The following HDAC9 variants were observed in gnomAD, a reference collection of about 807,000 sequenced individuals.
The protein encoded by HDAC9 is MEF-2 interacting transcription repressor (MITR) protein.
Under a neutral mutation model 139.4 loss-of-function variants are expected in HDAC9, and 41 were observed. That is an observed-to-expected ratio of 0.29 (90% confidence interval 0.23 to 0.38). The LOEUF is 0.38. Among genes scored for constraint, HDAC9 ranks in the 10% least tolerant of loss-of-function variants. The pLI is 1.00. For synonymous variants in HDAC9, 517 were observed against 476.2 expected (o/e 1.09, Z -1.12); for missense variants, 1,147 against 1,297.0 (o/e 0.88, Z 1.78).
At chr7:18,552,146 C>G (rs1469803849) in intron 2 of HDAC9, among the ~76,000 whole-genome samples, 2 of 152,168 alleles carry the variant, frequency 1.3e-5, no homozygotes, top group East Asian at 3.9e-4. Context: ...GTAGCTTACA[C>G]TCTTATTGAA....
At chr7:18,413,611 A>G (rs1788774637) in intron 1 of HDAC9, among the ~76,000 whole-genome samples, 1 of 152,168 alleles carries the variant, frequency 6.6e-6, no homozygotes, top group African/African-American at 2.4e-5. Flanking sequence ...TATAAATAAT[A>G]TGAAACTATA....
At chr7:18,758,653 G>A (rs1246857531) in intron 14 of HDAC9, among the ~76,000 whole-genome samples, 2 of 152,204 alleles carry the variant, frequency 1.3e-5, no homozygotes, top group African/African-American at 2.4e-5. Context: ...GAGATCCTAT[G>A]TGTTAAGGAA....
At chr7:18,844,043 T>G (rs1185349763) in intron 21 of HDAC9, among the ~76,000 whole-genome samples, 1 of 152,194 alleles carries the variant, frequency 6.6e-6, no homozygotes, top group Non-Finnish European at 1.5e-5. Flanking sequence ...GACTCAATTT[T>G]CCATATTTCA....
chr7:18,171,120 A>C (rs139373961), intron 2 of HDAC9, among the ~76,000 whole-genome samples: 1,944 of 152,106 alleles, frequency 0.013, 21 homozygotes, highest in Non-Finnish European at 0.017. Context: ...CTTTTATTTC[A>C]TTGAGCAGTG....
rs935438098 is a variant in HDAC9, at chr7:18,999,214, C to G, written c.*3152C>G. ...CTTCAGTTTTTACTCCAGCCCTATA[C>G]GACACTCTCACTAACCTTTCACTGA... is the stretch of plus-strand genomic sequence containing the variant. On this transcript the variant is annotated 3_prime_UTR_variant, in exon 26 of 26. Coordinates refer to ENST00000686413, the MANE Select transcript of HDAC9 (RefSeq NM_178425.4). 1 of 152,184 alleles carries G rather than the reference C, an allele frequency of 6.6e-6. No homozygotes were observed. Among genetic ancestry groups the G allele is most frequent in the Admixed American group, 6.5e-5 (1 of 15,284 alleles). The allele number at this position is 152,184 out of a possible 1,614,324, so 9.4% of individuals were successfully genotyped here. A position where few individuals can be genotyped will look rare whatever the true frequency, so the allele number is the denominator to read the frequency against.
intron 12 of HDAC9, among the ~76,000 whole-genome samples, chr7:18,709,728 C>G (rs1262279160): frequency 6.6e-6 from 1 of 152,152 alleles, no homozygotes; most frequent in African/African-American, 2.4e-5. Flanking sequence ...AAGGGATTAT[C>G]ATATAATAAA....
chr7:18,142,231 A>T (rs1785951590), intron 1 of HDAC9, among the ~76,000 whole-genome samples: 1 of 152,168 alleles, frequency 6.6e-6, no homozygotes, highest in African/African-American at 2.4e-5. Context: ...TATAGAAAGG[A>T]TTAGACATGT....
chr7:18,733,011 G>A (rs1786458989), intron 13 of HDAC9, among the ~76,000 whole-genome samples: 2 of 142,798 alleles, frequency 1.4e-5, no homozygotes, highest in African/African-American at 5.4e-5. Flanking sequence ...ATACACATGT[G>A]TATGTGTGTA....
chr7:18,092,460 C>T (rs1474719363), intron 1 of HDAC9, among the ~76,000 whole-genome samples: 1 of 151,214 alleles, frequency 6.6e-6, no homozygotes, highest in Non-Finnish European at 1.5e-5. Flanking sequence ...TTTGAAGCCA[C>T]TCAAGTAGAA....
At chr7:18,819,919 T>A (rs1339761696) in intron 17 of HDAC9, among the ~76,000 whole-genome samples, 1 of 152,200 alleles carries the variant, frequency 6.6e-6, no homozygotes, top group Non-Finnish European at 1.5e-5. Flanking sequence ...TTGGTCTTTG[T>A]AACTTAAAAT....
chr7:18,562,504 T>G (rs945675523), intron 2 of HDAC9, among the ~76,000 whole-genome samples: 4 of 152,156 alleles, frequency 2.6e-5, no homozygotes, highest in Admixed American at 6.5e-5. Context: ...GCACCATTTG[T>G]TGAAAAACTG....
chr7:18,189,497 A>G (rs1411047404), intron 2 of HDAC9, among the ~76,000 whole-genome samples: 1 of 152,158 alleles, frequency 6.6e-6, no homozygotes, highest in African/African-American at 2.4e-5. Flanking sequence ...AATAAAGAAA[A>G]AAAAGAATCA....
chr7:18,707,258 T>C (rs1783998975), intron 12 of HDAC9, among the ~76,000 whole-genome samples: 1 of 152,174 alleles, frequency 6.6e-6, no homozygotes, highest in African/African-American at 2.4e-5. Context: ...CACAGAAAAG[T>C]ATCTTTAACA....
intron 11 of HDAC9, among the ~76,000 whole-genome samples, chr7:18,652,577 A>T (rs1283009956): frequency 6.6e-6 from 1 of 152,082 alleles, no homozygotes; most frequent in African/African-American, 2.4e-5. Flanking sequence ...TTTTGTTGTG[A>T]GGTAATTTGA....
intron 2 of HDAC9, among the ~76,000 whole-genome samples, chr7:18,251,939 C>T (rs767504943): frequency 5.9e-5 from 9 of 152,048 alleles, no homozygotes; most frequent in Admixed American, 2.6e-4. Flanking sequence ...CGTATGTCCC[C>T]GAGAGTGCAC....
At chr7:18,610,676 A>T (rs1836871297) in intron 6 of HDAC9, among the ~76,000 whole-genome samples, 1 of 152,200 alleles carries the variant, frequency 6.6e-6, no homozygotes, top group South Asian at 2.1e-4. Flanking sequence ...ATTTTCACTA[A>T]TGCGCTTGGC....
At chr7:18,592,357 T>C (rs1831240447) in intron 5 of HDAC9, among the ~76,000 whole-genome samples, 1 of 152,104 alleles carries the variant, frequency 6.6e-6, no homozygotes, top group Admixed American at 6.6e-5. Flanking sequence ...TTTCTGTAAG[T>C]CCAATACACA....
intron 12 of HDAC9, among the ~76,000 whole-genome samples, chr7:18,713,615 G>A (rs896411160): frequency 9.2e-5 from 14 of 151,876 alleles, no homozygotes; most frequent in Non-Finnish European, 1.9e-4. Context: ...AAGGATGTAG[G>A]GCATTTATGC....
At chr7:18,360,069 C>G (rs1375341466) in intron 1 of HDAC9, among the ~76,000 whole-genome samples, 1 of 152,224 alleles carries the variant, frequency 6.6e-6, no homozygotes, top group African/African-American at 2.4e-5. Flanking sequence ...CTAAACCCCT[C>G]ACTTCTTGCT....
Sources: gnomAD v4.1 joint callset for allele counts (sites outside exome capture counted in the v4.1 genomes callset) on GRCh38, gnomAD v4.1.1 for gene constraint, MANE v1.5 for transcripts, NCBI Gene and HGNC (gene_info 2026-07-23, HGNC 2026-07-21) for gene names.